Variants in GBE1 observed in about 807,000 individuals in gnomAD.
The protein encoded by GBE1 is 1,4-alpha-glucan-branching enzyme.
GBE1 carries 70 observed loss-of-function variants against 88.8 expected under a neutral mutation model. The ratio of observed to expected loss-of-function variants is 0.79; its 90% CI spans 0.65 to 0.96. The LOEUF (loss-of-function observed/expected upper bound fraction) is 0.96, where lower values mean the gene tolerates loss of function less well. GBE1 is among the 40% of genes least tolerant of loss of function. GBE1 has a pLI of 0.00. For missense variants in GBE1, 872 were observed against 871.0 expected (o/e 1.00, Z -0.01); for synonymous variants, 284 against 300.1 (o/e 0.95, Z 0.56).
chr3:81,659,323 T>A (rs1704989065), intron 3 of GBE1, among the ~76,000 whole-genome samples: 1 of 151,800 alleles, frequency 6.6e-6, no homozygotes, highest in South Asian at 2.1e-4. Context: ...TCCTAAGCAA[T>A]CATTCTTTTT....
intron 3 of GBE1, among the ~76,000 whole-genome samples, chr3:81,665,317 A>G (rs1262091748): frequency 4.0e-5 from 6 of 151,686 alleles, no homozygotes; most frequent in South Asian, 2.1e-4. Context: ...GCGGATCACG[A>G]GCTCAGAAGA....
chr3:81,761,071 G>A (rs1374027145), intron 1 of GBE1, among the ~76,000 whole-genome samples: 1 of 152,194 alleles, frequency 6.6e-6, no homozygotes, highest in African/African-American at 2.4e-5. Context: ...CAGCACTCTG[G>A]GGAATAAGTG....
At chr3:81,670,279 C>T (rs1705171678) in intron 3 of GBE1, among the ~76,000 whole-genome samples, 1 of 152,142 alleles carries the variant, frequency 6.6e-6, no homozygotes, top group Admixed American at 6.5e-5. Context: ...GTGGAGGACG[C>T]TCAGCCTGCC....
At chr3:81,523,401 G>T (rs945526933) in intron 14 of GBE1, among the ~76,000 whole-genome samples, 1 of 151,376 alleles carries the variant, frequency 6.6e-6, no homozygotes, top group South Asian at 2.1e-4. Context: ...GGGTACCTGA[G>T]ATATTTTGAT....
chr3:81,638,898 A>T (rs1704630310), intron 7 of GBE1, among the ~76,000 whole-genome samples: 1 of 152,216 alleles, frequency 6.6e-6, no homozygotes, highest in Non-Finnish European at 1.5e-5. Flanking sequence ...CAATTCTATA[A>T]CATCAATTTT....
intron 1 of GBE1, among the ~76,000 whole-genome samples, chr3:81,754,173 T>A (rs76565631): frequency 0.043 from 6,512 of 152,092 alleles, 464 homozygotes; most frequent in East Asian, 0.35. Context: ...CAGAGAACCA[T>A]CTGAAAGATA....
Position 81,682,447 on chromosome 3 carries a change from G to A in GBE1, c.314-11494C>T, listed in dbSNP as rs141470179. 2.7e-4 allele frequency among the ~76,000 whole-genome samples: 41 copies of A among 152,136 alleles called. No homozygotes were observed. In the East Asian group the frequency reaches 7.3e-3, roughly 27 times the overall value. On this transcript the variant is annotated intron_variant, in intron 2 of 15. Coordinates refer to ENST00000429644, the MANE Select transcript of GBE1 (RefSeq NM_000158.4). ...ACTGCACTCCAGCCTGGGTGGTAGAGCAAGGCTCTTTCTCAAAAATAAATA... is the reference window on the plus strand; with the variant it reads ...ACTGCACTCCAGCCTGGGTGGTAGAACAAGGCTCTTTCTCAAAAATAAATA...
At chr3:81,580,467 C>G (rs1037616265) in intron 11 of GBE1, among the ~76,000 whole-genome samples, 13 of 151,912 alleles carry the variant, frequency 8.6e-5, no homozygotes, top group Admixed American at 2.0e-4. Flanking sequence ...GATGCAGATG[C>G]GTGGGGAAAA....
chr3:81,548,599 C>T (rs943688539), intron 12 of GBE1, among the ~76,000 whole-genome samples: 1 of 151,166 alleles, frequency 6.6e-6, no homozygotes, highest in African/African-American at 2.4e-5. Context: ...TTAACTGTGG[C>T]TGCCCTAAAA....
At chr3:81,522,628 G>C (rs750375776) in intron 14 of GBE1, among the ~76,000 whole-genome samples, 2 of 151,492 alleles carry the variant, frequency 1.3e-5, no homozygotes, top group African/African-American at 2.4e-5. Context: ...TCAATACTTT[G>C]TGAGTATTCA....
intron 1 of GBE1, among the ~76,000 whole-genome samples, chr3:81,755,161 G>C (rs746696048): frequency 1.5e-4 from 23 of 152,090 alleles, no homozygotes; most frequent in Non-Finnish European, 3.1e-4. Flanking sequence ...CGAAAGATCT[G>C]AACAGACATT....
Position 81,600,909 on chromosome 3 carries a change from T to G in GBE1, c.993-6886A>C, listed in dbSNP as rs569165060. On this transcript the variant is annotated intron_variant, in intron 7 of 15. Coordinates refer to ENST00000429644, the MANE Select transcript of GBE1 (RefSeq NM_000158.4). ...TTCTTCAAAAAATGAATGGTGTGTG[T>G]GCACATGCATGCGTGTGTGTGTGTT... is the stretch of plus-strand genomic sequence containing the variant. Among the ~76,000 whole-genome samples the G allele has an allele frequency of 3.9e-5, 6 of 152,160 alleles. No individual in the cohort carries two copies. In the South Asian group the frequency reaches 1.2e-3, roughly 32 times the overall value.
chr3:81,527,439 C>T (rs565465997), intron 14 of GBE1, among the ~76,000 whole-genome samples: 35 of 151,960 alleles, frequency 2.3e-4, no homozygotes, highest in African/African-American at 5.6e-4. Context: ...AGGCAACTTA[C>T]AGAATGGGAG....
intron 7 of GBE1, among the ~76,000 whole-genome samples, chr3:81,608,523 C>T (rs370386637): frequency 1.6e-4 from 24 of 152,216 alleles, no homozygotes; most frequent in East Asian, 9.6e-4. Flanking sequence ...TCACGGAATA[C>T]GTTTGTGATA....
intron 12 of GBE1, among the ~76,000 whole-genome samples, chr3:81,537,766 A>ACT (rs1455377597): frequency 1.3e-5 from 2 of 151,904 alleles, no homozygotes; most frequent in Admixed American, 6.6e-5. Context: ...ATTTTTTACT[A>ACT]CTAGAGTGTG....
At chr3:81,567,690 A>T (rs80246743) in intron 12 of GBE1, among the ~76,000 whole-genome samples, 2,272 of 152,218 alleles carry the variant, frequency 0.015, 71 homozygotes, top group African/African-American at 0.052. Context: ...TCTTGATTAA[A>T]TCTACCTCCA....
intron 3 of GBE1, among the ~76,000 whole-genome samples, chr3:81,658,253 A>T (rs574798045): frequency 5.7e-4 from 87 of 152,274 alleles, no homozygotes; most frequent in Admixed American, 2.0e-3. Context: ...AAGACTGAGT[A>T]TATTAGCTAT....
intron 2 of GBE1, among the ~76,000 whole-genome samples, chr3:81,704,101 T>G (rs1705738466): frequency 6.6e-6 from 1 of 151,852 alleles, no homozygotes; most frequent in South Asian, 2.1e-4. Flanking sequence ...AGAATGAAAT[T>G]CTCATCAATA....
chr3:81,691,175 T>C (rs377302947), intron 2 of GBE1, among the ~76,000 whole-genome samples: 5 of 152,180 alleles, frequency 3.3e-5, no homozygotes, highest in African/African-American at 1.2e-4. Flanking sequence ...TGAAAGTGAA[T>C]GAATCTCGAT....
Sources: gnomAD v4.1 joint callset for allele counts (sites outside exome capture counted in the v4.1 genomes callset) on GRCh38, gnomAD v4.1.1 for gene constraint, MANE v1.5 for transcripts, NCBI Gene and HGNC (gene_info 2026-07-23, HGNC 2026-07-21) for gene names.